ATP8B2: variants seen among roughly 807,000 people sequenced by gnomAD.
ATP8B2 encodes the protein phospholipid-transporting ATPase ID.
ATP8B2 carries 70 observed loss-of-function variants against 133.4 expected under a neutral mutation model. The observed-to-expected ratio is 0.52, with a 90% CI of 0.43 to 0.64. ATP8B2 has a LOEUF of 0.64. ATP8B2 is among the 30% of genes least tolerant of loss of function. The pLI is 0.00. For missense variants in ATP8B2, 1,101 were observed against 1,535.7 expected (o/e 0.72, Z 4.73); for synonymous variants, 517 against 589.5 (o/e 0.88, Z 1.78).
chr1:154,335,963 C>T (rs1357202574), intron 11 of ATP8B2, among the ~76,000 whole-genome samples: 2 of 145,818 alleles, frequency 1.4e-5, no homozygotes, highest in African/African-American at 2.6e-5. Context: ...GGCGTGAACC[C>T]GGGAGGTGGA....
In ATP8B2 at chr1:154,340,674, G is replaced by GC; in HGVS notation, c.1035-179dup. On this transcript the variant is annotated intron_variant, in intron 12 of 27. Transcript: ENST00000368489. This position sits in a 1 kb window ranked among gnomAD's most constrained non-coding sequence, Gnocchi z 4.0. ...GTCGGGTCGGGGCGTTCCTCTGCTG[G>GC]CTGTGTGCAGCCGGCTCCACCTTCA... 3.2e-6 allele frequency: 2 copies of GC among 631,746 alleles called. No individual in the cohort carries two copies. Among genetic ancestry groups the GC allele is most frequent in the South Asian group, 1.9e-5 (1 of 51,382 alleles). 39.1% of individuals were successfully genotyped at this position (631,746 alleles called of 1,614,324 possible).
At chr1:154,337,862 C>A in intron 12 of ATP8B2, 1 of 933,620 alleles carries the variant, frequency 1.1e-6, no homozygotes, top group Non-Finnish European at 1.5e-6. Context: ...CTCCTTCCTT[C>A]TAGGAGCTTA....
chr1:154,348,268 C>A, intron 26 of ATP8B2, 140 bp from the exon 27 acceptor site: 1 of 931,600 alleles, frequency 1.1e-6, no homozygotes, highest in Non-Finnish European at 1.5e-6. Context: ...TGGAGATTTA[C>A]ATTTGGAGGG....
chr1:154,341,148 G>GT lies in ATP8B2; in HGVS notation c.1243+92dup, dbSNP rs1341987868. 5.0e-6 allele frequency: 7 copies of GT among 1,413,730 alleles called. No homozygotes were observed. The East Asian group carries it at 9.7e-5, about 20-fold the overall frequency. The allele number at this position is 1,413,730 out of a possible 1,614,324, so 87.6% of individuals were successfully genotyped here. A position where few individuals can be genotyped will look rare whatever the true frequency, so the allele number is the denominator to read the frequency against. ...GGGCCCCACAGTTTCCTTAACATTG[G>GT]TTTTTTCTTCCTTCCTAGTTGGGTC... On this transcript the variant is annotated intron_variant, in intron 13 of 27. Transcript: ENST00000368489.
Position 154,331,012 on chromosome 1 carries a change from G to C in ATP8B2, c.205-36G>C. On this transcript the variant is annotated intron_variant, in intron 4 of 27. Transcript: ENST00000368489. The surrounding 1 kb of genome is among the most constrained non-coding windows in gnomAD (Gnocchi z 4.8). ...GGAAAGGGAATGAAGGCATCAGATG[G>C]GGCCTCAGAGGCATACTTCTCTTTC... is the stretch of plus-strand genomic sequence containing the variant. The C allele has an allele frequency of 6.2e-7, 1 of 1,600,900 alleles. No homozygotes were observed. Among genetic ancestry groups the C allele is most frequent in the Non-Finnish European group, 8.6e-7 (1 of 1,168,160 alleles).
At chr1:154,338,450 A>G (rs1686266293) in intron 12 of ATP8B2, among the ~76,000 whole-genome samples, 1 of 152,204 alleles carries the variant, frequency 6.6e-6, no homozygotes, top group African/African-American at 2.4e-5. Flanking sequence ...TAACGAGGTC[A>G]GGAATTCGAG....
intron 12 of ATP8B2, among the ~76,000 whole-genome samples, chr1:154,339,895 A>G (rs998532484): frequency 8.5e-5 from 13 of 152,200 alleles, no homozygotes; most frequent in African/African-American, 2.2e-4. Context: ...TAAAGGCACT[A>G]TAGGGGCCAG....
At position 154,347,785 on chromosome 1, in the gene ATP8B2, A is replaced by G. The variant is rs146337071; in HGVS notation, c.3164-623A>G. ...GAGAAACCCCATCTCTACTAAAAAT[A>G]CAAAATTAGCCGGACTTGGTGGCAC... is the stretch of plus-strand genomic sequence containing the variant. On this transcript the variant is annotated intron_variant, in intron 26 of 27. Coordinates refer to ENST00000368489, the MANE Select transcript of ATP8B2 (RefSeq NM_001370597.1). Among the ~76,000 whole-genome samples, 790 of 152,234 alleles carry G rather than the reference A, an allele frequency of 5.2e-3. 33 individuals are homozygous for G. The East Asian group carries it at 0.09, about 17-fold the overall frequency.
In ATP8B2 at chr1:154,328,954, A is replaced by T. The variant is rs770598541; in HGVS notation, c.31+782A>T. 2.5e-5 allele frequency: 32 copies of T among 1,303,726 alleles called. 1 individual carries two copies. The South Asian group carries it at 3.9e-4, about 16-fold the overall frequency. The allele number at this position is 1,303,726 out of a possible 1,614,324, so 80.8% of individuals were successfully genotyped here. On this transcript the variant is annotated intron_variant, in intron 2 of 27. Transcript: ENST00000368489. This position sits in a 1 kb window ranked among gnomAD's most constrained non-coding sequence, Gnocchi z 4.6. ...GATGCCACTAAGGCCAAGGACATAT[A>T]GACGGTCTGCCCTCCCCCACTCAAA...
intron 8 of ATP8B2, 125 bp from the exon 9 acceptor site, chr1:154,332,493 G>T: frequency 1.4e-6 from 1 of 736,952 alleles, no homozygotes; most frequent in Non-Finnish European, 2.3e-6. Context: ...AGGAGTTCGA[G>T]GCTTTAGTGA....
At position 154,344,958 on chromosome 1, in the gene ATP8B2, C is replaced by T. The variant is rs746675742; in HGVS notation, c.2287-13C>T. The T allele has an allele frequency of 1.2e-6, 2 of 1,603,550 alleles. No individual in the cohort carries two copies. The highest frequency in any genetic ancestry group is 1.7e-6 in the Non-Finnish European group (2 of 1,173,914). ...TGGAAAGACTGGCTCTCTCAGGTTT[C>T]TCTGTGCTCCAGGCCCACGCACTGG... On this transcript the variant is annotated splice_polypyrimidine_tract_variant and intron_variant, in intron 21 of 27. Transcript: ENST00000368489. The surrounding 1 kb of genome is among the most constrained non-coding windows in gnomAD (Gnocchi z 4.1).
chr1:154,339,741 A>T (rs756853737), intron 12 of ATP8B2, among the ~76,000 whole-genome samples: 1 of 152,136 alleles, frequency 6.6e-6, no homozygotes, highest in Admixed American at 6.5e-5. Flanking sequence ...TGGGATCCTG[A>T]TAGGTGCCTT....
chr1:154,336,480 TA>T (rs909289744), intron 11 of ATP8B2, among the ~76,000 whole-genome samples: 3 of 103,270 alleles, frequency 2.9e-5, no homozygotes, highest in Non-Finnish European at 3.8e-5. Context: ...AAAAATCTCA[TA>T]AATTTTTTTT....
In ATP8B2 at chr1:154,345,766, G is replaced by A. The variant is rs1381708365; in HGVS notation, c.2695-34G>A. Reference sequence around the variant, plus strand: ...TGTGCCTGATGTGTAGCAAAGAAAGGTTGCATGCTCCCTTGCTCCCTGTTC... The same window carrying A: ...TGTGCCTGATGTGTAGCAAAGAAAGATTGCATGCTCCCTTGCTCCCTGTTC... On this transcript the variant is annotated intron_variant, in intron 23 of 27. Coordinates refer to ENST00000368489, the MANE Select transcript of ATP8B2 (RefSeq NM_001370597.1). This position sits in a 1 kb window ranked among gnomAD's most constrained non-coding sequence, Gnocchi z 5.6. 2.6e-6 allele frequency: 4 copies of A among 1,558,688 alleles called. No homozygotes were observed. Among genetic ancestry groups the A allele is most frequent in the Middle Eastern group, 1.7e-4 (1 of 5,982 alleles).
chr1:154,328,093 C>T lies in ATP8B2; in HGVS notation c.-37-12C>T. On this transcript the variant is annotated splice_polypyrimidine_tract_variant and intron_variant, in intron 1 of 27. Coordinates refer to ENST00000368489, the MANE Select transcript of ATP8B2 (RefSeq NM_001370597.1). The surrounding 1 kb of genome is among the most constrained non-coding windows in gnomAD (Gnocchi z 4.6). Reference sequence around the variant, plus strand: ...CAGCTTCCTGACCTCATTCGTCTGTCACTTCTTGCAGGGTCTCCCATGGGA... The same window carrying T: ...CAGCTTCCTGACCTCATTCGTCTGTTACTTCTTGCAGGGTCTCCCATGGGA... The T allele has an allele frequency of 1.2e-6, 2 of 1,613,836 alleles. No homozygotes were observed. Among genetic ancestry groups the T allele is most frequent in the South Asian group, 2.2e-5 (2 of 91,076 alleles).
Position 154,347,863 on chromosome 1 carries a change from C to T in ATP8B2, c.3164-545C>T, listed in dbSNP as rs568301338. On this transcript the variant is annotated intron_variant, in intron 26 of 27. Transcript: ENST00000368489. ...GGCTGAGGCAGGAGAATCGCTTGAACCTGGGAGGTGGAGGTTGTGGTGAGC... is the reference window on the plus strand; with the variant it reads ...GGCTGAGGCAGGAGAATCGCTTGAATCTGGGAGGTGGAGGTTGTGGTGAGC... Among the ~76,000 whole-genome samples, 25 of 150,772 alleles carry T rather than the reference C, an allele frequency of 1.7e-4. No homozygotes were observed. In the East Asian group the frequency reaches 4.9e-3, roughly 29 times the overall value.
Position 154,343,332 on chromosome 1 carries a change from T to G in ATP8B2, c.1642+31T>G. 6.2e-7 allele frequency: 1 copy of G among 1,611,438 alleles called. No individual in the cohort carries two copies. Among genetic ancestry groups the G allele is most frequent in the Admixed American group, 1.7e-5 (1 of 59,858 alleles). ...GCCAGGCCTGGGGTGCTGGGGCGTTTGGGGACAGCATTCAGGCCTGGAATG... is the reference window on the plus strand; with the variant it reads ...GCCAGGCCTGGGGTGCTGGGGCGTTGGGGGACAGCATTCAGGCCTGGAATG... On this transcript the variant is annotated intron_variant, in intron 16 of 27. Coordinates refer to ENST00000368489, the MANE Select transcript of ATP8B2 (RefSeq NM_001370597.1). This position sits in a 1 kb window ranked among gnomAD's most constrained non-coding sequence, Gnocchi z 5.8.
At chr1:154,330,642 T>C (rs1685954767) in intron 3 of ATP8B2, 173 bp from the exon 4 acceptor site, 1 of 742,544 alleles carries the variant, frequency 1.3e-6, no homozygotes, top group Non-Finnish European at 2.2e-6. Flanking sequence ...TGAAGCAGAA[T>C]ACATTGACCC....
rs984980288 is a variant in ATP8B2, at chr1:154,328,423, C to T, written c.31+251C>T. On this transcript the variant is annotated intron_variant, in intron 2 of 27. Transcript: ENST00000368489. The surrounding 1 kb of genome is among the most constrained non-coding windows in gnomAD (Gnocchi z 4.6). ...CACCTGCAGTCTTATCTTCGGGCAC[C>T]TGCAGCTCCTGCTTTCTGGCCTAGG... Among the ~76,000 whole-genome samples, 1 of 152,202 alleles carries T rather than the reference C, an allele frequency of 6.6e-6. No homozygotes were observed. Among genetic ancestry groups the T allele is most frequent in the Admixed American group, 6.5e-5 (1 of 15,288 alleles).
Sources: gnomAD v4.1 joint callset for allele counts (sites outside exome capture counted in the v4.1 genomes callset) on GRCh38, gnomAD v4.1.1 for gene constraint, Gnocchi (gnomAD v3.1) non-coding constraint, MANE v1.5 for transcripts, NCBI Gene and HGNC (gene_info 2026-07-23, HGNC 2026-07-21) for gene names.